The following AUTS2 variants were observed in gnomAD, a reference collection of about 807,000 sequenced individuals.
AUTS2 encodes activator of transcription and developmental regulator AUTS2.
Under a neutral mutation model 112.4 loss-of-function variants are expected in AUTS2, and 17 were observed. That is an observed-to-expected ratio of 0.15 (90% CI 0.10 to 0.23). AUTS2 has a LOEUF of 0.23. Ranked by LOEUF, AUTS2 falls within the 10% of genes least tolerant of loss-of-function variation. The pLI is 1.00. For missense variants in AUTS2, 1,510 were observed against 1,701.6 expected, an observed-to-expected ratio of 0.89 and a Z score of 1.98; for synonymous variants, 751 against 702.7, an observed-to-expected ratio of 1.07 and a Z score of -1.09.
At chr7:70,130,321 G>A (rs151218642) in intron 3 of AUTS2, among the ~76,000 whole-genome samples, 6 of 152,280 alleles carry the variant, frequency 3.9e-5, no homozygotes, top group Non-Finnish European at 8.8e-5. Context: ...ATCTATTTTA[G>A]ATGGATAATC....
intron 2 of AUTS2, among the ~76,000 whole-genome samples, chr7:70,084,690 C>A (rs1437866323): frequency 6.6e-6 from 1 of 152,010 alleles, no homozygotes; most frequent in Non-Finnish European, 1.5e-5. Flanking sequence ...TTGGTGAATT[C>A]TGTTTATATC....
rs113499051 is a variant in AUTS2, at chr7:70,504,260, C to A, written c.690+68479C>A. Among the ~76,000 whole-genome samples, 981 of 151,786 alleles carry A rather than the reference C, an allele frequency of 6.5e-3. 13 individuals are homozygous for A. The highest frequency in any genetic ancestry group is 0.01 in the Non-Finnish European group (696 of 67,910). On this transcript the variant is annotated intron_variant, in intron 5 of 18. Coordinates refer to ENST00000342771, the MANE Select transcript of AUTS2 (RefSeq NM_015570.4). ...CACATGTCCAGTCTTTAAATGGAGC[C>A]AGGTTTAGAGAGGTCTAATGAAGAG...
At chr7:69,866,462 A>G (rs1416411227) in intron 1 of AUTS2, among the ~76,000 whole-genome samples, 1 of 152,086 alleles carries the variant, frequency 6.6e-6, no homozygotes, top group Non-Finnish European at 1.5e-5. Context: ...ATAAATGACT[A>G]CTGCACTTAT....
intron 6 of AUTS2, among the ~76,000 whole-genome samples, chr7:70,743,228 G>A (rs1049319345): frequency 6.6e-6 from 1 of 152,118 alleles, no homozygotes; most frequent in Non-Finnish European, 1.5e-5. Context: ...AGCACTTTGG[G>A]AGGCTGAGGT....
chr7:70,256,084 G>C (rs1409805260), intron 4 of AUTS2, among the ~76,000 whole-genome samples: 2 of 152,104 alleles, frequency 1.3e-5, no homozygotes, highest in Non-Finnish European at 2.9e-5. Flanking sequence ...CTAATGATGT[G>C]GTCTCTAGGT....
At chr7:70,152,977 T>A (rs1237900947) in intron 4 of AUTS2, among the ~76,000 whole-genome samples, 2 of 152,200 alleles carry the variant, frequency 1.3e-5, no homozygotes, top group Admixed American at 1.3e-4. Flanking sequence ...CTTTCCCCTT[T>A]TTAAAGATAC....
At chr7:69,763,901 C>T (rs910267315) in intron 1 of AUTS2, among the ~76,000 whole-genome samples, 13 of 152,196 alleles carry the variant, frequency 8.5e-5, no homozygotes, top group Non-Finnish European at 1.6e-4. Flanking sequence ...GCCCTTGTCA[C>T]ACATAACATG....
intron 1 of AUTS2, among the ~76,000 whole-genome samples, chr7:69,763,837 C>T (rs561569159): frequency 2.5e-4 from 38 of 152,298 alleles, no homozygotes; most frequent in South Asian, 2.5e-3. Context: ...CTTAACTATA[C>T]GGATGTATTT....
rs919736412 is a variant in AUTS2 at position 70,767,000 on chromosome 7, C to T, written c.1689+666C>T. Among the ~76,000 whole-genome samples, 6 of 151,112 alleles carry T rather than the reference C, an allele frequency of 4.0e-5. No homozygotes were observed. Among genetic ancestry groups the T allele is most frequent in the Non-Finnish European group, 7.4e-5 (5 of 67,828 alleles). On this transcript the variant is annotated intron_variant, in intron 9 of 18. Coordinates refer to ENST00000342771, the MANE Select transcript of AUTS2 (RefSeq NM_015570.4). This position sits in a 1 kb window ranked among gnomAD's most constrained non-coding sequence, Gnocchi z 4.8. Reference sequence around the variant, plus strand: ...CTTTAACTGGGGGCTAGCACATGTCCAGAACCAGTGAGGAATTTTTTTTTA... The same window carrying T: ...CTTTAACTGGGGGCTAGCACATGTCTAGAACCAGTGAGGAATTTTTTTTTA...
At chr7:70,745,145 C>G (rs1291741752) in intron 6 of AUTS2, among the ~76,000 whole-genome samples, 2 of 152,008 alleles carry the variant, frequency 1.3e-5, no homozygotes, top group African/African-American at 2.4e-5. Context: ...GTGTATGTAT[C>G]CCGATTGTAT....
intron 5 of AUTS2, among the ~76,000 whole-genome samples, chr7:70,488,182 G>A (rs1304417172): frequency 1.3e-5 from 2 of 152,252 alleles, no homozygotes; most frequent in Admixed American, 1.3e-4. Flanking sequence ...TCCTTGGAGG[G>A]CTGGAGAGTC....
At chr7:70,257,221 AC>A (rs1786923089) in intron 4 of AUTS2, among the ~76,000 whole-genome samples, 1 of 151,888 alleles carries the variant, frequency 6.6e-6, no homozygotes, top group South Asian at 2.1e-4. Flanking sequence ...ACTCATTGCA[AC>A]CTCGACCTCC....
intron 4 of AUTS2, among the ~76,000 whole-genome samples, chr7:70,338,833 C>CTTATTTATTTATTTATTTAT (rs60351906): frequency 2.8e-5 from 4 of 141,012 alleles, no homozygotes; most frequent in Admixed American, 7.2e-5. Flanking sequence ...AGCCTCATCT[C>CTTATTTATTTATTTATTTAT]TTATTTATTT....
At chr7:70,779,803 G>A (rs1041518301) in intron 14 of AUTS2, among the ~76,000 whole-genome samples, 1 of 152,110 alleles carries the variant, frequency 6.6e-6, no homozygotes, top group East Asian at 1.9e-4. Flanking sequence ...GCCAAGGCAA[G>A]CACTTTGGGA....
chr7:70,312,522 C>A (rs1283631485), intron 4 of AUTS2, among the ~76,000 whole-genome samples: 2 of 152,150 alleles, frequency 1.3e-5, no homozygotes. Context: ...GCCCACAAAC[C>A]ACTTAAGTAT....
chr7:70,514,062 T>G (rs913615586), intron 5 of AUTS2, among the ~76,000 whole-genome samples: 3 of 152,230 alleles, frequency 2.0e-5, no homozygotes, highest in Non-Finnish European at 4.4e-5. Flanking sequence ...TTTACCCCTT[T>G]AAAAGCTGTT....
chr7:69,773,821 G>T (rs1007309733), intron 1 of AUTS2, among the ~76,000 whole-genome samples: 10 of 152,168 alleles, frequency 6.6e-5, no homozygotes, highest in African/African-American at 1.9e-4. Context: ...CGTCTCTACC[G>T]TGTAGCAAAA....
At chr7:70,133,487 G>A (rs894176599) in intron 3 of AUTS2, among the ~76,000 whole-genome samples, 1 of 152,258 alleles carries the variant, frequency 6.6e-6, no homozygotes, top group South Asian at 2.1e-4. Flanking sequence ...TCCAGAGTAG[G>A]GGGCAGGACA....
At chr7:70,115,395 G>A (rs1276234877) in intron 2 of AUTS2, among the ~76,000 whole-genome samples, 3 of 152,098 alleles carry the variant, frequency 2.0e-5, no homozygotes, top group Non-Finnish European at 2.9e-5. Context: ...GGCTGGTCTC[G>A]AACTCCTGGG....
Sources: gnomAD v4.1 joint callset for allele counts (sites outside exome capture counted in the v4.1 genomes callset) on GRCh38, gnomAD v4.1.1 for gene constraint, Gnocchi (gnomAD v3.1) non-coding constraint, MANE v1.5 for transcripts, NCBI Gene and HGNC (gene_info 2026-07-23, HGNC 2026-07-21) for gene names.